Variants in MAPK1IP1L observed in about 807,000 individuals in gnomAD.
MAPK1IP1L encodes MAPK-interacting and spindle-stabilizing protein-like.
In MAPK1IP1L, 10 loss-of-function variants were observed where a neutral mutation model predicts 18.1. The observed-to-expected ratio is 0.55, with a 90% CI of 0.34 to 0.94. The LOEUF is 0.94. Among genes scored for constraint, MAPK1IP1L ranks in the 40% least tolerant of loss-of-function variants. MAPK1IP1L has a pLI of 0.02. For missense variants in MAPK1IP1L, 260 were observed against 318.2 expected, an observed-to-expected ratio of 0.82 and a Z score of 1.39; for synonymous variants, 115 against 117.3, an observed-to-expected ratio of 0.98 and a Z score of 0.13.
intron 1 of MAPK1IP1L, 62 bp downstream of exon 1, chr14:55,051,865 G>A (rs2042731176): frequency 2.3e-6 from 1 of 427,522 alleles, no homozygotes; most frequent in Middle Eastern, 8.9e-4. Flanking sequence ...GGGTTGCGGA[G>A]CCCGCGGGCG....
rs538907960 is a variant in MAPK1IP1L at position 55,064,896 on chromosome 14, G to A, written c.*269G>A. On this transcript the variant is annotated 3_prime_UTR_variant, in exon 4 of 4. Coordinates refer to ENST00000395468, the MANE Select transcript of MAPK1IP1L (RefSeq NM_144578.4). The stretch of plus-strand genomic sequence containing the variant: ...TTAAAGTGATAAAGTATATTGAATA[G>A]TTCTTTGACAGAATTTGTTTAAACT... The A allele has an allele frequency of 9.0e-6, 3 of 333,070 alleles. No individual in the cohort carries two copies. In the South Asian group the frequency reaches 4.2e-4, roughly 46 times the overall value. 20.6% of individuals were successfully genotyped at this position (333,070 alleles called of 1,614,324 possible). A position where few individuals can be genotyped will look rare whatever the true frequency, so the allele number is the denominator to read the frequency against.
chr14:55,064,764 T>C lies in MAPK1IP1L; in HGVS notation c.*137T>C, dbSNP rs1167682587. On this transcript the variant is annotated 3_prime_UTR_variant, in exon 4 of 4. Coordinates refer to ENST00000395468, the MANE Select transcript of MAPK1IP1L (RefSeq NM_144578.4). ...CAACTCTTGCACCTCTCAGAGAAGA[T>C]AACTGCCTCTTGTACTTGGATGCGT... 2.8e-6 allele frequency: 2 copies of C among 721,872 alleles called. No homozygotes were observed. The highest frequency in any genetic ancestry group is 4.7e-6 in the Non-Finnish European group (2 of 421,514). The allele number at this position is 721,872 out of a possible 1,614,324, so 44.7% of individuals were successfully genotyped here.
rs944793434 is a variant in MAPK1IP1L, at chr14:55,068,459, A to G, written c.*3832A>G. ...AGTCAATTGCCTACACTTCTAAACA[A>G]TAAGTGCCAATGTCTCAATTTTCTC... On this transcript the variant is annotated 3_prime_UTR_variant, in exon 4 of 4. Transcript: ENST00000395468. 4 of 152,672 alleles carry G rather than the reference A, an allele frequency of 2.6e-5. No individual in the cohort carries two copies. Among genetic ancestry groups the G allele is most frequent in the South Asian group, 2.1e-4 (1 of 4,832 alleles). The allele number at this position is 152,672 out of a possible 1,614,324, so 9.5% of individuals were successfully genotyped here. A position where few individuals can be genotyped will look rare whatever the true frequency, so the allele number is the denominator to read the frequency against.
chr14:55,051,897 C>A, intron 1 of MAPK1IP1L, 94 bp downstream of exon 1: 1 of 416,596 alleles, frequency 2.4e-6, no homozygotes. Flanking sequence ...GAAGCGGGCG[C>A]GGTGACCGAG....
At chr14:55,054,172 A>G (rs370644926) in intron 1 of MAPK1IP1L, among the ~76,000 whole-genome samples, 3 of 133,226 alleles carry the variant, frequency 2.3e-5, no homozygotes, top group Admixed American at 1.5e-4. Context: ...TATAATTTAT[A>G]TTTTCTTTTT....
At chr14:55,057,534 G>A (rs904022668) in intron 1 of MAPK1IP1L, among the ~76,000 whole-genome samples, 2 of 152,078 alleles carry the variant, frequency 1.3e-5, no homozygotes, top group African/African-American at 2.4e-5. Context: ...CAAGGTGGGC[G>A]GATCACAAGG....
At position 55,068,382 on chromosome 14, in the gene MAPK1IP1L, G is replaced by A. The variant is rs2042881569; in HGVS notation, c.*3755G>A. On this transcript the variant is annotated 3_prime_UTR_variant, in exon 4 of 4. Transcript: ENST00000395468. ...ATATACAGCTTTTGAAACTGTAGAT[G>A]AAAAAAGCTCTACTCAGAGTTTTTG... 2 of 152,578 alleles carry A rather than the reference G, an allele frequency of 1.3e-5. No individual in the cohort carries two copies. The highest frequency in any genetic ancestry group is 1.3e-4 in the Admixed American group (2 of 15,272). 9.5% of individuals were successfully genotyped at this position (152,578 alleles called of 1,614,324 possible). A position where few individuals can be genotyped will look rare whatever the true frequency, so the allele number is the denominator to read the frequency against.
At chr14:55,063,761 A>T (rs2042838884) in intron 3 of MAPK1IP1L, 1 of 156,772 alleles carries the variant, frequency 6.4e-6, no homozygotes, top group African/African-American at 2.4e-5. Flanking sequence ...ATGAGTAGGT[A>T]ATGTTCATCT....
Position 55,062,734 on chromosome 14 carries a change from T to G in MAPK1IP1L, c.135T>G (p.Ala45=), listed in dbSNP as rs746576793. 4 of 1,614,142 alleles carry G rather than the reference T, an allele frequency of 2.5e-6. No individual in the cohort carries two copies. The highest frequency in any genetic ancestry group is 3.3e-5 in the Admixed American group (2 of 60,022). The change falls in exon 3 of 4, where the codon GCT becomes GCG. Residue 45 remains alanine (A), a synonymous_variant. Coordinates refer to ENST00000395468, the MANE Select transcript of MAPK1IP1L (RefSeq NM_144578.4). ...CCAACCCTTGGAATAATCCGAGTGC[T>G]CCATCTTCAGTGCCATCTGGACTCC... ...PGSNPWNNPS[A]PSSVPSGLPP... is the part of the protein sequence containing the mutation.
At position 55,062,860 on chromosome 14, in the gene MAPK1IP1L, C is replaced by G. The variant is rs758220847; in HGVS notation, c.261C>G (p.Pro87=). The change falls in exon 3 of 4, where the codon CCC becomes CCG. Residue 87 remains proline, a synonymous_variant. Coordinates refer to ENST00000395468, the MANE Select transcript of MAPK1IP1L (RefSeq NM_144578.4). The part of the protein sequence containing the change: ...PTGPPPGPPA[P]FPPSGPSCPP... ...GACCACCTCCAGGACCCCCAGCACC[C>G]TTTCCTCCTTCCGGACCATCATGTC... The G allele has an allele frequency of 1.2e-6, 2 of 1,614,040 alleles. No homozygotes were observed. Among genetic ancestry groups the G allele is most frequent in the African/African-American group, 1.3e-5 (1 of 74,912 alleles).
In MAPK1IP1L at chr14:55,061,680, G is replaced by T; in HGVS notation, c.-4G>T. On this transcript the variant is annotated splice_region_variant and 5_prime_UTR_variant, in exon 2 of 4. Coordinates refer to ENST00000395468, the MANE Select transcript of MAPK1IP1L (RefSeq NM_144578.4). ...TCCTTCATTTCTTTTCTTTTTTTAGGAAAATGTCTGATGAATTTTCGGTAA... is the reference window on the plus strand; with the variant it reads ...TCCTTCATTTCTTTTCTTTTTTTAGTAAAATGTCTGATGAATTTTCGGTAA... 1 of 1,557,132 alleles carries T rather than the reference G, an allele frequency of 6.4e-7. No homozygotes were observed. The highest frequency in any genetic ancestry group is 8.7e-7 in the Non-Finnish European group (1 of 1,146,670).
chr14:55,052,470 A>G (rs1447435441), intron 1 of MAPK1IP1L, among the ~76,000 whole-genome samples: 1 of 152,210 alleles, frequency 6.6e-6, no homozygotes, highest in Non-Finnish European at 1.5e-5. Context: ...TGAGGAGCAC[A>G]TACCTGCGAT....
intron 1 of MAPK1IP1L, among the ~76,000 whole-genome samples, chr14:55,058,394 GA>G (rs1448301748): frequency 6.6e-6 from 1 of 152,142 alleles, no homozygotes; most frequent in Non-Finnish European, 1.5e-5. Context: ...TACAGTAGAA[GA>G]AAAGAGCCTA....
At chr14:55,056,516 T>G (rs1399461808) in intron 1 of MAPK1IP1L, among the ~76,000 whole-genome samples, 1 of 152,070 alleles carries the variant, frequency 6.6e-6, no homozygotes, top group Non-Finnish European at 1.5e-5. Flanking sequence ...GGTTTTTTTG[T>G]TTTTTTGTTT....
Position 55,069,430 on chromosome 14 carries a change from A to G in MAPK1IP1L, c.*4803A>G, listed in dbSNP as rs1182618894. The G allele has an allele frequency of 6.5e-6, 1 of 152,672 alleles. No homozygotes were observed. Among genetic ancestry groups the G allele is most frequent in the Non-Finnish European group, 1.5e-5 (1 of 68,044 alleles). The allele number at this position is 152,672 out of a possible 1,614,324, so 9.5% of individuals were successfully genotyped here. A position where few individuals can be genotyped will look rare whatever the true frequency, so the allele number is the denominator to read the frequency against. On this transcript the variant is annotated 3_prime_UTR_variant, in exon 4 of 4. Transcript: ENST00000395468. ...AAGACAAATGTTGCTTTAAGAAGTAATTATAATTAGGAATAGGCTATGGAT... is the reference window on the plus strand; with the variant it reads ...AAGACAAATGTTGCTTTAAGAAGTAGTTATAATTAGGAATAGGCTATGGAT...
chr14:55,052,971 C>T (rs1028960150), intron 1 of MAPK1IP1L, among the ~76,000 whole-genome samples: 2 of 152,172 alleles, frequency 1.3e-5, no homozygotes, highest in Admixed American at 1.3e-4. Flanking sequence ...AGAGATAACA[C>T]CCCCAGCAGA....
chr14:55,052,895 T>C (rs1337687993), intron 1 of MAPK1IP1L, among the ~76,000 whole-genome samples: 3 of 152,236 alleles, frequency 2.0e-5, no homozygotes, highest in Admixed American at 2.0e-4. Context: ...CTTTTGAAGC[T>C]AGTGTGTTTT....
At chr14:55,062,551 G>T in intron 2 of MAPK1IP1L, 67 bp from the exon 3 acceptor site, 1 of 1,282,120 alleles carries the variant, frequency 7.8e-7, no homozygotes, top group East Asian at 2.5e-5. Flanking sequence ...TATTCTCTGT[G>T]GGTTTATAAT....
At chr14:55,064,594 C>G in intron 3 of MAPK1IP1L, 22 bp from the exon 4 acceptor site, 1 of 1,611,492 alleles carries the variant, frequency 6.2e-7, no homozygotes, top group South Asian at 1.1e-5. Flanking sequence ...TAGAAGTTGA[C>G]TTTTTCTTTT....
Sources: allele counts gnomAD v4.1 joint callset (sites outside exome capture counted in the v4.1 genomes callset), GRCh38; gene constraint gnomAD v4.1.1; transcripts MANE v1.5; gene names NCBI Gene and HGNC (gene_info 2026-07-23, HGNC 2026-07-21).